TRIOBP: variants seen among roughly 807,000 people sequenced by gnomAD.
TRIOBP encodes TRIO and F-actin-binding protein.
TRIOBP carries 169 observed loss-of-function variants against 238.8 expected under a neutral mutation model. That is an observed-to-expected ratio of 0.71 (90% confidence interval 0.62 to 0.80). The LOEUF (loss-of-function observed/expected upper bound fraction) is 0.80, where lower values mean the gene tolerates loss of function less well. Ranked by LOEUF, TRIOBP falls within the 30% of genes least tolerant of loss-of-function variation. The pLI is 0.00. For synonymous variants in TRIOBP, 1,150 were observed against 1,274.4 expected (o/e 0.90, Z 2.08); for missense variants, 2,838 against 3,122.6 (o/e 0.91, Z 2.17).
chr22:37,751,922 TGA>T, intron 12 of TRIOBP, 94 bp downstream of exon 12: 1 of 769,750 alleles, frequency 1.3e-6, no homozygotes, highest in Non-Finnish European at 1.9e-6. Context: ...GGGGCTGGTG[TGA>T]GAACCCTGGG....
At chr22:37,770,177 G>A (rs1307337286) in intron 21 of TRIOBP, among the ~76,000 whole-genome samples, 33 of 146,386 alleles carry the variant, frequency 2.3e-4, no homozygotes, top group African/African-American at 7.8e-4. Context: ...GGTGGCTCAC[G>A]CCTGTAATCC....
intron 17 of TRIOBP, among the ~76,000 whole-genome samples, chr22:37,764,419 T>C (rs1221554435): frequency 6.6e-6 from 1 of 152,222 alleles, no homozygotes; most frequent in East Asian, 1.9e-4. Context: ...TTCCACAGCA[T>C]CCACACAAAA....
At position 37,724,988 on chromosome 22, in the gene TRIOBP, A is replaced by G. The variant is rs200250720; in HGVS notation, c.2432A>G (p.Gln811Arg). 4.7e-5 allele frequency: 76 copies of G among 1,613,930 alleles called. No homozygotes were observed. Among genetic ancestry groups the G allele is most frequent in the Admixed American group, 8.3e-5 (5 of 60,006 alleles). The change falls in exon 7 of 24, where the codon CAA becomes CGA. Residue 811 changes from glutamine (Q) to arginine (R), a missense_variant. Coordinates refer to ENST00000644935, the MANE Select transcript of TRIOBP (RefSeq NM_001039141.3). ...GCCTCCTCTCCCATCAGAGCCACCCAACAGGACAACCCCAGAACTTGTATT... is the reference window on the plus strand; with the variant it reads ...GCCTCCTCTCCCATCAGAGCCACCCGACAGGACAACCCCAGAACTTGTATT... ...LRASSPIRAT[Q>R]QDNPRTCIQQ...
At chr22:37,751,532 A>G in intron 11 of TRIOBP, 3 of 569,464 alleles carry the variant, frequency 5.3e-6, no homozygotes, top group Non-Finnish European at 9.5e-6. Context: ...TGTGCCAGCC[A>G]CCCAGCCCAA....
chr22:37,771,751 T>G lies in TRIOBP; in HGVS notation c.6936+15T>G. 2 of 1,613,098 alleles carry G rather than the reference T, an allele frequency of 1.2e-6. No individual in the cohort carries two copies. Among genetic ancestry groups the G allele is most frequent in the East Asian group, 2.2e-5 (1 of 44,872 alleles). On this transcript the variant is annotated intron_variant, in intron 22 of 23. Coordinates refer to ENST00000644935, the MANE Select transcript of TRIOBP (RefSeq NM_001039141.3). The stretch of plus-strand genomic sequence containing the variant: ...TGATGCAGAAGGTAGGTCCTTCCGC[T>G]GGGCTGGGGGCCGTCGGGGACTCTG...
rs750498327 is a variant in TRIOBP, at chr22:37,772,737, C to G, written c.7073C>G (p.Ser2358Trp). The change falls in exon 23 of 24, where the codon TCG becomes TGG. Residue 2358 changes from serine (S) to tryptophan (W), a missense_variant. Around this residue, in one of 5 missense-constraint regions of TRIOBP, gnomAD observed 2,096 missense variants for 2,137.4 expected, o/e 0.98. Coordinates refer to ENST00000644935, the MANE Select transcript of TRIOBP (RefSeq NM_001039141.3). Reference protein sequence around the residue: ...LAMAALQEKESMRNSLAE With the variant: ...LAMAALQEKEWMRNSLAE The stretch of plus-strand genomic sequence containing the variant: ...ATGGCCGCCCTCCAGGAGAAGGAGT[C>G]GATGCGCAACAGCCTGGCTGAGTAG... 2.5e-6 allele frequency: 4 copies of G among 1,613,748 alleles called. No individual in the cohort carries two copies. The highest frequency in any genetic ancestry group is 3.4e-6 in the Non-Finnish European group (4 of 1,180,020).
In TRIOBP at chr22:37,710,468, C is replaced by G. The variant is rs765802751; in HGVS notation, c.156C>G (p.Asp52Glu). 1.2e-6 allele frequency: 2 copies of G among 1,613,512 alleles called. No individual in the cohort carries two copies. The highest frequency in any genetic ancestry group is 2.2e-5 in the East Asian group (1 of 44,888). Reference sequence around the variant, plus strand: ...CAGGTGCTGAGGTGCCCTACTGCGACCTGCCTCGATGTCCACCTGCCCCTG... The same window carrying G: ...CAGGTGCTGAGGTGCCCTACTGCGAGCTGCCTCGATGTCCACCTGCCCCTG... ...SPSGAEVPYCDLPRCPPAPED... is the reference protein window; with the variant it reads ...SPSGAEVPYCELPRCPPAPED... Residue 52 changes from aspartate (D) to glutamate (E), a missense_variant, in exon 4 of 24, where the codon GAC becomes GAG. Asp to Glu is a conservative substitution (Grantham distance 45). Around this residue, in one of 5 missense-constraint regions of TRIOBP, gnomAD observed 535 missense variants for 537.3 expected, o/e 1.00. Coordinates refer to ENST00000644935, the MANE Select transcript of TRIOBP (RefSeq NM_001039141.3).
At chr22:37,753,558 C>T (rs1025408396) in intron 12 of TRIOBP, among the ~76,000 whole-genome samples, 8 of 152,342 alleles carry the variant, frequency 5.3e-5, no homozygotes, top group African/African-American at 1.7e-4. Context: ...GGATTATAGG[C>T]GCGAGCTACC....
In TRIOBP at chr22:37,734,436, G is replaced by A. The variant is rs778502748; in HGVS notation, c.4100G>A (p.Arg1367Gln). The A allele has an allele frequency of 1.7e-5, 28 of 1,613,108 alleles. No individual in the cohort carries two copies. The highest frequency in any genetic ancestry group is 9.3e-5 in the African/African-American group (7 of 74,922). ...CCTGCCAAACAGGCAGAACTGACCC[G>A]GCGGAGCCAAGCAGAGCCCCCTCAT... is the stretch of plus-strand genomic sequence containing the variant. ...MLPAKQAELT[R>Q]RSQAEPPHPW... The change falls in exon 9 of 24, where the codon CGG (arginine) becomes CAG (glutamine). Residue 1367 changes from arginine to glutamine, a missense_variant. Transcript: ENST00000644935.
chr22:37,730,946 C>CAAA (rs11316099), intron 7 of TRIOBP, among the ~76,000 whole-genome samples: 15 of 83,808 alleles, frequency 1.8e-4, no homozygotes, highest in African/African-American at 5.1e-4. Flanking sequence ...GACTCCATCT[C>CAAA]AAAAAAAAAA....
chr22:37,708,212 CT>C (rs1431186628), intron 3 of TRIOBP, among the ~76,000 whole-genome samples: 1 of 141,600 alleles, frequency 7.1e-6, no homozygotes, highest in African/African-American at 2.6e-5. Context: ...CGCCACTGCA[CT>C]CTAGCCTGAG....
intron 6 of TRIOBP, among the ~76,000 whole-genome samples, chr22:37,718,543 A>G (rs1298738700): frequency 3.6e-5 from 5 of 139,128 alleles, no homozygotes; most frequent in Non-Finnish European, 7.8e-5. Context: ...GCCCCCTGAT[A>G]TGATGCATGG....
intron 12 of TRIOBP, among the ~76,000 whole-genome samples, 155 bp from the exon 13 acceptor site, chr22:37,754,722 C>T (rs561709126): frequency 7.1e-4 from 108 of 152,232 alleles, no homozygotes; most frequent in East Asian, 4.6e-3. Context: ...ACAGATGCTA[C>T]CCCTGAGGCT....
intron 21 of TRIOBP, among the ~76,000 whole-genome samples, chr22:37,770,563 GAC>G (rs1926723072): frequency 1.3e-5 from 2 of 152,056 alleles, no homozygotes; most frequent in Admixed American, 1.3e-4. Context: ...TTTTAGTAGA[GAC>G]AGGGTTTTTC....
rs1382087675 is a variant in TRIOBP at position 37,746,443 on chromosome 22, C to A, written c.5323-5329C>A. ...ACGGTGAGTGCCCCAGTCAGCCGCC[C>A]GCGCCCGAGGCCGGGAGAAGGGCGA... On this transcript the variant is annotated intron_variant, in intron 11 of 23. Transcript: ENST00000644935. The A allele has an allele frequency of 7.0e-6, 10 of 1,422,682 alleles. No individual in the cohort carries two copies. In the African/African-American group the frequency reaches 8.8e-5, roughly 13 times the overall value. 88.1% of individuals were successfully genotyped at this position (1,422,682 alleles called of 1,614,324 possible).
chr22:37,773,953 T>TA lies in TRIOBP; in HGVS notation c.*174dup. The TA allele has an allele frequency of 7.8e-6, 1 of 128,096 alleles. No individual in the cohort carries two copies. The highest frequency in any genetic ancestry group is 2.6e-4 in the South Asian group (1 of 3,782). The allele number at this position is 128,096 out of a possible 1,614,324, so 7.9% of individuals were successfully genotyped here. A position where few individuals can be genotyped will look rare whatever the true frequency, so the allele number is the denominator to read the frequency against. On this transcript the variant is annotated 3_prime_UTR_variant, in exon 24 of 24. Transcript: ENST00000644935. ...ACACACACACAGACACACAGACACA[T>TA]ACGCACACACGTGCACACATGTACA...
chr22:37,757,807 C>G lies in TRIOBP; in HGVS notation c.5882C>G (p.Thr1961Ser). The change falls in exon 16 of 24, where the codon ACC (threonine) becomes AGC (serine). Residue 1961 changes from threonine (T) to serine (S), a missense_variant. By Grantham distance (58) the Thr-to-Ser change is moderately conservative (BLOSUM62 1). This residue lies in a region of TRIOBP where 2,096 missense variants were observed against 2,137.4 expected (regional missense o/e 0.98). Transcript: ENST00000644935. ...CAGGCTTCCCCGCAGCGGGCCCGCACCCCAGCCCGCACTCCTGACCGCCTG... is the reference window on the plus strand; with the variant it reads ...CAGGCTTCCCCGCAGCGGGCCCGCAGCCCAGCCCGCACTCCTGACCGCCTG... ...LTQASPQRAR[T>S]PARTPDRLAK... 1 of 1,547,704 alleles carries G rather than the reference C, an allele frequency of 6.5e-7. No homozygotes were observed. The highest frequency in any genetic ancestry group is 1.2e-5 in the South Asian group (1 of 84,028).
intron 17 of TRIOBP, among the ~76,000 whole-genome samples, chr22:37,762,960 T>C (rs1404390061): frequency 6.6e-6 from 1 of 152,134 alleles, no homozygotes; most frequent in Non-Finnish European, 1.5e-5. Flanking sequence ...GAGGCATTTC[T>C]TTATCTACTT....
At chr22:37,771,763 C>T (rs1254887971) in intron 22 of TRIOBP, 27 bp downstream of exon 22, 4 of 1,609,892 alleles carry the variant, frequency 2.5e-6, no homozygotes, top group East Asian at 2.2e-5. Context: ...GGCTGGGGGC[C>T]GTCGGGGACT....
Sources: allele counts gnomAD v4.1 joint callset (sites outside exome capture counted in the v4.1 genomes callset), GRCh38; gene constraint gnomAD v4.1.1; regional missense constraint gnomAD v4.1.1; transcripts MANE v1.5; gene names NCBI Gene and HGNC (gene_info 2026-07-23, HGNC 2026-07-21).